Variants in FAM184A observed in about 807,000 individuals in gnomAD.
The protein encoded by FAM184A is family with sequence similarity 184 member A, also known as protein FAM184A.
A neutral mutation model predicts 143.8 loss-of-function variants in FAM184A; 99 were observed. The ratio of observed to expected loss-of-function variants is 0.69; its 90% CI spans 0.58 to 0.81. The LOEUF (loss-of-function observed/expected upper bound fraction) is 0.81. Ranked by LOEUF, FAM184A falls within the 40% of genes least tolerant of loss-of-function variation. FAM184A has a pLI of 0.00. For missense variants in FAM184A, 1,217 were observed against 1,310.5 expected (o/e 0.93, Z 1.10); for synonymous variants, 427 against 446.4 (o/e 0.96, Z 0.55).
At chr6:119,024,917 T>C in intron 1 of FAM184A, 104 bp from the exon 2 acceptor site, 2 of 1,071,468 alleles carry the variant, frequency 1.9e-6, no homozygotes, top group Non-Finnish European at 2.7e-6. Context: ...ATGCACATAA[T>C]ATTGGCTACA....
chr6:118,991,295 T>A (rs1032360747), intron 9 of FAM184A, among the ~76,000 whole-genome samples: 13 of 151,902 alleles, frequency 8.6e-5, no homozygotes, highest in African/African-American at 3.1e-4. Context: ...CCTGAGTAGC[T>A]GGGATTACAG....
intron 1 of FAM184A, among the ~76,000 whole-genome samples, chr6:119,095,271 T>C (rs112443405): frequency 0.015 from 2,214 of 152,332 alleles, 32 homozygotes; most frequent in South Asian, 0.036. Context: ...TCAAAGGCAC[T>C]GAGAGAAGAA....
intron 1 of FAM184A, among the ~76,000 whole-genome samples, chr6:119,124,354 G>A (rs1789301332): frequency 1.3e-5 from 2 of 152,176 alleles, no homozygotes; most frequent in African/African-American, 2.4e-5. Context: ...TTTATTGACT[G>A]GCAATGTTTT....
intron 1 of FAM184A, among the ~76,000 whole-genome samples, chr6:119,071,328 A>G (rs1303751499): frequency 1.3e-5 from 2 of 152,248 alleles, no homozygotes; most frequent in Non-Finnish European, 2.9e-5. Context: ...GTCAAAAGAA[A>G]GACATTTAAA....
intron 1 of FAM184A, among the ~76,000 whole-genome samples, chr6:119,048,079 C>A (rs936269499): frequency 6.6e-6 from 1 of 152,074 alleles, no homozygotes; most frequent in Admixed American, 6.6e-5. Flanking sequence ...GTTCAACATA[C>A]CCAAGTGAAC....
intron 17 of FAM184A, chr6:118,960,886 G>A (rs775868707): frequency 7.3e-6 from 9 of 1,235,530 alleles, no homozygotes; most frequent in South Asian, 1.3e-5. Context: ...ATGCACAAGG[G>A]AAAATAAGCA....
At chr6:119,104,073 A>G (rs1788714860) in intron 1 of FAM184A, among the ~76,000 whole-genome samples, 1 of 151,740 alleles carries the variant, frequency 6.6e-6, no homozygotes, top group African/African-American at 2.4e-5. Context: ...GTCTTGCCCT[A>G]TTGCCCAGGC....
chr6:119,063,535 G>A, intron 1 of FAM184A, among the ~76,000 whole-genome samples: 1 of 152,164 alleles, frequency 6.6e-6, no homozygotes, highest in East Asian at 1.9e-4. Flanking sequence ...TTCATAACAT[G>A]TAACTGCGAA....
chr6:119,022,690 C>T (rs1193107551), intron 3 of FAM184A, among the ~76,000 whole-genome samples: 1 of 151,992 alleles, frequency 6.6e-6, no homozygotes, highest in African/African-American at 2.4e-5. Flanking sequence ...GCCTGGGCAA[C>T]ACGGTGAAAC....
At chr6:119,128,414 T>C (rs777934984) in intron 1 of FAM184A, among the ~76,000 whole-genome samples, 1 of 152,190 alleles carries the variant, frequency 6.6e-6, no homozygotes, top group Non-Finnish European at 1.5e-5. Context: ...TAATTGCCTA[T>C]CTGGAAGTAT....
rs959846979 is a variant in FAM184A, at chr6:119,142,375, T to G, written c.-202+6703A>C. Among the ~76,000 whole-genome samples the G allele has an allele frequency of 2.6e-5, 4 of 152,320 alleles. No individual in the cohort carries two copies. The East Asian group carries it at 7.7e-4, about 29-fold the overall frequency. The stretch of plus-strand genomic sequence containing the variant: ...TAACGCAATGCAGCAGAGGGTGTAT[T>G]CTTCAGAGACCAAAGGCCACAACAA... On this transcript the variant is annotated intron_variant, in intron 1 of 16. Coordinates refer to the FAM184A transcript ENST00000352896.
At chr6:119,074,710 A>G (rs954750226) in intron 1 of FAM184A, among the ~76,000 whole-genome samples, 3 of 152,254 alleles carry the variant, frequency 2.0e-5, no homozygotes, top group Non-Finnish European at 4.4e-5. Flanking sequence ...GTGGTCTTAT[A>G]AAACATAATT....
intron 1 of FAM184A, among the ~76,000 whole-genome samples, chr6:119,050,438 T>C (rs669978): frequency 0.85 from 129,187 of 151,504 alleles, 55,227 homozygotes; most frequent in East Asian, 0.96. Flanking sequence ...AAGTGCCCAT[T>C]AATGACAGAT....
At position 119,115,143 on chromosome 6, in the gene FAM184A, G is replaced by A. The variant is rs796824826; in HGVS notation, c.-202+33935C>T. Reference sequence around the variant, plus strand: ...GTCTTCTTCCAAAATATTTCTGATGGTCTTCATTTTTCCATCAACCATATT... The same window carrying A: ...GTCTTCTTCCAAAATATTTCTGATGATCTTCATTTTTCCATCAACCATATT... On this transcript the variant is annotated intron_variant, in intron 1 of 16. Transcript: ENST00000352896. Among the ~76,000 whole-genome samples the A allele has an allele frequency of 7.2e-5, 11 of 151,972 alleles. 1 individual carries two copies. The South Asian group carries it at 2.3e-3, about 31-fold the overall frequency.
In FAM184A at chr6:119,078,193, T is replaced by C; in HGVS notation, c.107A>G (p.Tyr36Cys). ...TAQLAGHSMD[Y>C]SQEMHLKMSK... The stretch of plus-strand genomic sequence containing the variant: ...CATTTTCAGGTGCATCTCCTGGCTG[T>C]AGTCCATGCTGTGCCCAGCCAGCTG... The change falls in exon 1 of 18, where the codon TAC (tyrosine) becomes TGC (cysteine). Residue 36 changes from tyrosine (Y) to cysteine (C), a missense_variant. Tyr to Cys is a radical substitution (Grantham distance 194). Coordinates refer to ENST00000338891, the MANE Select transcript of FAM184A (RefSeq NM_024581.6). This position sits in a 1 kb window ranked among gnomAD's most constrained non-coding sequence, Gnocchi z 5.5. 6.3e-7 allele frequency: 1 copy of C among 1,584,892 alleles called. No homozygotes were observed. Among genetic ancestry groups the C allele is most frequent in the Non-Finnish European group, 8.6e-7 (1 of 1,167,846 alleles).
At chr6:119,069,319 C>T (rs1165470368) in intron 1 of FAM184A, among the ~76,000 whole-genome samples, 1 of 151,824 alleles carries the variant, frequency 6.6e-6, no homozygotes, top group Non-Finnish European at 1.5e-5. Context: ...ACACACCTTC[C>T]TCCCAAAATT....
chr6:119,003,687 A>G, intron 7 of FAM184A, 65 bp from the exon 8 acceptor site: 3 of 1,474,644 alleles, frequency 2.0e-6, no homozygotes, highest in Non-Finnish European at 2.7e-6. Context: ...GTTATTTTAA[A>G]TAAGTAAAGT....
intron 1 of FAM184A, among the ~76,000 whole-genome samples, chr6:119,142,715 G>T (rs1014057710): frequency 2.0e-5 from 3 of 152,186 alleles, no homozygotes; most frequent in African/African-American, 7.2e-5. Flanking sequence ...TGGAGGAGGA[G>T]TGTTGTGGTT....
chr6:118,996,584 T>G (rs1054244435), intron 9 of FAM184A, among the ~76,000 whole-genome samples: 2 of 152,204 alleles, frequency 1.3e-5, no homozygotes, highest in African/African-American at 4.8e-5. Flanking sequence ...CCCAGGGCTC[T>G]GAATGTACAT....
Sources: allele counts gnomAD v4.1 joint callset (sites outside exome capture counted in the v4.1 genomes callset), GRCh38; gene constraint gnomAD v4.1.1; non-coding constraint Gnocchi (gnomAD v3.1); transcripts MANE v1.5; gene names NCBI Gene and HGNC (gene_info 2026-07-23, HGNC 2026-07-21).